MAGI1: variants seen among roughly 807,000 people sequenced by gnomAD.
MAGI1 encodes the protein membrane associated guanylate kinase, WW and PDZ domain containing 1.
A neutral mutation model predicts 139.9 loss-of-function variants in MAGI1; 58 were observed. The ratio of observed to expected loss-of-function variants is 0.41; its 90% CI spans 0.34 to 0.52. MAGI1 has a LOEUF of 0.52. MAGI1 is among the 20% of genes least tolerant of loss of function. MAGI1 has a pLI of 0.12. For missense variants in MAGI1, 1,874 were observed against 1,901.6 expected (o/e 0.99, Z 0.27); for synonymous variants, 812 against 737.9 (o/e 1.10, Z -1.63).
intron 1 of MAGI1, among the ~76,000 whole-genome samples, chr3:65,731,990 G>A (rs1005794149): frequency 3.9e-5 from 6 of 152,204 alleles, no homozygotes; most frequent in Admixed American, 1.3e-4. Flanking sequence ...CTGAAATGTC[G>A]CAATTAAACA....
At chr3:65,800,628 T>A (rs1023416121) in intron 1 of MAGI1, among the ~76,000 whole-genome samples, 4 of 119,740 alleles carry the variant, frequency 3.3e-5, no homozygotes, top group Non-Finnish European at 5.4e-5. Context: ...AATACGTTTT[T>A]TAATTAGATT....
Position 65,722,733 on chromosome 3 carries a change from T to C in MAGI1, c.314-100645A>G, listed in dbSNP as rs560089147. Among the ~76,000 whole-genome samples, 71 of 150,022 alleles carry C rather than the reference T, an allele frequency of 4.7e-4. 1 individual carries two copies. Among genetic ancestry groups the C allele is most frequent in the Non-Finnish European group, 8.2e-4 (56 of 68,008 alleles). ...TTATCTAAATCATAAAATATTAGTGTGACATGAAAGCCTCAAGAAATTATG... is the reference window on the plus strand; with the variant it reads ...TTATCTAAATCATAAAATATTAGTGCGACATGAAAGCCTCAAGAAATTATG... On this transcript the variant is annotated intron_variant, in intron 1 of 22. Transcript: ENST00000402939.
chr3:65,465,431 A>G (rs1950106772), intron 5 of MAGI1, among the ~76,000 whole-genome samples: 1 of 151,802 alleles, frequency 6.6e-6, no homozygotes, highest in Admixed American at 6.6e-5. Context: ...GCCTGCTGGC[A>G]GCAAATTTTC....
intron 14 of MAGI1, among the ~76,000 whole-genome samples, chr3:65,385,841 T>G (rs1336869972): frequency 2.6e-5 from 4 of 152,176 alleles, no homozygotes; most frequent in Non-Finnish European, 5.9e-5. Context: ...GGTAACAATA[T>G]TTTCTTTCTG....
At chr3:65,517,768 A>G (rs868198614) in intron 2 of MAGI1, among the ~76,000 whole-genome samples, 2 of 151,790 alleles carry the variant, frequency 1.3e-5, no homozygotes, top group South Asian at 2.1e-4. Context: ...AACAACTCCA[A>G]ACTCTTTATT....
rs374655373 is a variant in MAGI1, at chr3:65,542,804, G to A, written c.431-49173C>T. 2.0e-3 allele frequency among the ~76,000 whole-genome samples: 302 copies of A among 152,216 alleles called. 7 individuals carry two copies. The South Asian group carries it at 0.06, about 30-fold the overall frequency. On this transcript the variant is annotated intron_variant, in intron 2 of 22. Transcript: ENST00000402939. ...GACCTAAAACCATAAAACCATAGAA[G>A]AAAACCTAGGCAATATCATTCAGGA...
intron 1 of MAGI1, among the ~76,000 whole-genome samples, chr3:65,926,327 T>TCC (rs1553731214): frequency 1.7e-5 from 2 of 115,592 alleles, no homozygotes; most frequent in Non-Finnish European, 3.5e-5. Context: ...AAGTCTTCTT[T>TCC]TCTCTCTCTC....
At chr3:65,614,806 A>G (rs2083287952) in intron 2 of MAGI1, among the ~76,000 whole-genome samples, 1 of 152,118 alleles carries the variant, frequency 6.6e-6, no homozygotes, top group Non-Finnish European at 1.5e-5. Context: ...TTTAAAAAAA[A>G]TGGCTCTAGA....
chr3:65,907,439 C>T (rs2061483264), intron 1 of MAGI1, among the ~76,000 whole-genome samples: 1 of 152,120 alleles, frequency 6.6e-6, no homozygotes, highest in African/African-American at 2.4e-5. Flanking sequence ...AAAGTCACCA[C>T]ATGCAAAGTA....
intron 1 of MAGI1, among the ~76,000 whole-genome samples, chr3:65,738,591 G>A (rs2034986575): frequency 6.6e-6 from 1 of 152,180 alleles, no homozygotes; most frequent in Non-Finnish European, 1.5e-5. Flanking sequence ...TTTACAAAAT[G>A]TATTTCTTAA....
chr3:65,520,699 A>G (rs1454945443), intron 2 of MAGI1, among the ~76,000 whole-genome samples: 1 of 152,186 alleles, frequency 6.6e-6, no homozygotes, highest in African/African-American at 2.4e-5. Context: ...CTACATTAAG[A>G]GGCCAGATGC....
intron 1 of MAGI1, among the ~76,000 whole-genome samples, chr3:65,656,113 C>T (rs1045019407): frequency 6.6e-6 from 1 of 151,832 alleles, no homozygotes; most frequent in African/African-American, 2.4e-5. Flanking sequence ...CTAATGTCAT[C>T]AAGTCTGCAA....
At chr3:65,555,360 C>T (rs2080036548) in intron 2 of MAGI1, among the ~76,000 whole-genome samples, 2 of 152,146 alleles carry the variant, frequency 1.3e-5, no homozygotes, top group Non-Finnish European at 2.9e-5. Context: ...TTATCCTGTC[C>T]ACTACTGCCA....
In MAGI1 at chr3:65,503,502, G is replaced by A. The variant is rs892783006; in HGVS notation, c.431-9871C>T. Among the ~76,000 whole-genome samples the A allele has an allele frequency of 2.6e-5, 4 of 152,162 alleles. No homozygotes were observed. In the East Asian group the frequency reaches 7.7e-4, roughly 29 times the overall value. On this transcript the variant is annotated intron_variant, in intron 2 of 22. Coordinates refer to ENST00000402939, the MANE Select transcript of MAGI1 (RefSeq NM_001033057.2). ...TTTTTCTATCCCAGATCTCAACACA[G>A]TAGTGTCAGTAATTGTGTCTCATAA...
At chr3:65,898,662 AG>A (rs1411062326) in intron 1 of MAGI1, among the ~76,000 whole-genome samples, 1 of 152,190 alleles carries the variant, frequency 6.6e-6, no homozygotes, top group African/African-American at 2.4e-5. Flanking sequence ...GACATAGAAA[AG>A]CAAATGAAAA....
chr3:65,396,492 T>C (rs749427208), intron 13 of MAGI1, among the ~76,000 whole-genome samples: 12 of 152,138 alleles, frequency 7.9e-5, no homozygotes, highest in African/African-American at 1.2e-4. Flanking sequence ...TTTTTATAAA[T>C]GGAAATGCGA....
chr3:65,425,027 G>T (rs1448614526), intron 12 of MAGI1, among the ~76,000 whole-genome samples: 1 of 147,442 alleles, frequency 6.8e-6, no homozygotes, highest in Non-Finnish European at 1.5e-5. Context: ...GATGGGCCAT[G>T]ATCATGCACT....
chr3:65,553,421 A>AT (rs1410716261), intron 2 of MAGI1, among the ~76,000 whole-genome samples: 1 of 151,762 alleles, frequency 6.6e-6, no homozygotes, highest in East Asian at 2.0e-4. Flanking sequence ...TGAAAAAAAA[A>AT]TTTTTTTAAT....
chr3:65,888,384 T>A lies in MAGI1; in HGVS notation c.313+149612A>T, dbSNP rs189155158. Among the ~76,000 whole-genome samples, 178 of 152,354 alleles carry A rather than the reference T, an allele frequency of 1.2e-3. 1 individual carries two copies. Among genetic ancestry groups the A allele is most frequent in the African/African-American group, 4.1e-3 (171 of 41,594 alleles). The stretch of plus-strand genomic sequence containing the variant: ...GGAAGTACTGAGCAGGGAATTAGTA[T>A]ATGTCTAGCATTGGCAACCAAAGTA... On this transcript the variant is annotated intron_variant, in intron 1 of 22. Transcript: ENST00000402939.
Sources: allele counts gnomAD v4.1 joint callset (sites outside exome capture counted in the v4.1 genomes callset), GRCh38; gene constraint gnomAD v4.1.1; transcripts MANE v1.5; gene names NCBI Gene and HGNC (gene_info 2026-07-23, HGNC 2026-07-21).